The following SLC35B3 variants were observed in gnomAD, a reference collection of about 807,000 sequenced individuals.
SLC35B3 encodes the protein adenosine 3'-phospho 5'-phosphosulfate transporter 2.
In SLC35B3, 35 loss-of-function variants were observed where a neutral mutation model predicts 44.1. The ratio of observed to expected loss-of-function variants is 0.79; its 90% CI spans 0.61 to 1.05. The LOEUF is 1.05. Among genes scored for constraint, SLC35B3 ranks in the 50% least tolerant of loss-of-function variants. The pLI, the probability that SLC35B3 is intolerant of heterozygous loss-of-function variation, is 0.00. For synonymous variants in SLC35B3, 146 were observed against 167.3 expected (o/e 0.87, Z 0.98); for missense variants, 414 against 476.4 (o/e 0.87, Z 1.22).
At position 8,420,132 on chromosome 6, in the gene SLC35B3, C is replaced by T. The variant is rs1762768358; in HGVS notation, c.683-455G>A. Among the ~76,000 whole-genome samples the T allele has an allele frequency of 6.6e-6, 1 of 151,894 alleles. No individual in the cohort carries two copies. Among genetic ancestry groups the T allele is most frequent in the South Asian group, 2.1e-4 (1 of 4,820 alleles). On this transcript the variant is annotated intron_variant, in intron 6 of 10. Transcript: ENST00000644923. This position sits in a 1 kb window ranked among gnomAD's most constrained non-coding sequence, Gnocchi z 4.4. Reference sequence around the variant, plus strand: ...TTAATTTAAATCACATAAACAGGCACGCTGCTGTCAGGGCCTTTTTCTTTG... The same window carrying T: ...TTAATTTAAATCACATAAACAGGCATGCTGCTGTCAGGGCCTTTTTCTTTG...
chr6:8,434,275 C>A lies in SLC35B3; in HGVS notation c.3+110G>T. The A allele has an allele frequency of 1.9e-6, 2 of 1,040,510 alleles. No homozygotes were observed. The highest frequency in any genetic ancestry group is 2.9e-5 in the South Asian group (2 of 69,560). The allele number at this position is 1,040,510 out of a possible 1,614,324, so 64.5% of individuals were successfully genotyped here. A position where few individuals can be genotyped will look rare whatever the true frequency, so the allele number is the denominator to read the frequency against. ...GACCTGAAGGACAAAAGTCCCACAC[C>A]AAAAAAAGGTAGAATATGAAAAAAA... On this transcript the variant is annotated intron_variant, in intron 2 of 10. Transcript: ENST00000644923. The surrounding 1 kb of genome is among the most constrained non-coding windows in gnomAD (Gnocchi z 6.3).
intron 9 of SLC35B3, among the ~76,000 whole-genome samples, chr6:8,416,664 T>C (rs1411103443): frequency 6.6e-6 from 1 of 152,194 alleles, no homozygotes; most frequent in Non-Finnish European, 1.5e-5. Context: ...GATAAATGTA[T>C]ATGTTTGATT....
intron 2 of SLC35B3, among the ~76,000 whole-genome samples, chr6:8,431,186 G>A (rs190224711): frequency 3.9e-5 from 6 of 152,216 alleles, no homozygotes; most frequent in East Asian, 3.9e-4. Flanking sequence ...AAAGACTGAG[G>A]AAAGACTGAA....
At chr6:8,427,680 T>G (rs915840951) in intron 4 of SLC35B3, among the ~76,000 whole-genome samples, 1 of 152,232 alleles carries the variant, frequency 6.6e-6, no homozygotes, top group African/African-American at 2.4e-5. Flanking sequence ...ACATTGTGTT[T>G]TTTATCATGT....
At chr6:8,417,273 C>A in intron 8 of SLC35B3, 129 bp downstream of exon 7, 1 of 645,556 alleles carries the variant, frequency 1.5e-6, no homozygotes, top group East Asian at 2.9e-5. Flanking sequence ...AATTAATTTC[C>A]GATTGGCATG....
intron 5 of SLC35B3, 21 bp downstream of exon 4, chr6:8,422,449 A>G: frequency 6.3e-7 from 1 of 1,578,228 alleles, no homozygotes; most frequent in Non-Finnish European, 8.7e-7. Context: ...TAAATAGTAT[A>G]AAAACATATC....
intron 5 of SLC35B3, 122 bp downstream of exon 4, chr6:8,422,348 A>C (rs1448649247): frequency 1.3e-6 from 1 of 799,140 alleles, no homozygotes; most frequent in African/African-American, 1.8e-5. Context: ...ATAATTCAGA[A>C]TTGTTACAAT....
intron 3 of SLC35B3, 65 bp downstream of exon 2, chr6:8,429,799 A>G: frequency 8.3e-7 from 1 of 1,208,430 alleles, no homozygotes; most frequent in Non-Finnish European, 1.1e-6. Context: ...CAAAACTAGT[A>G]AATGCCCATA....
intron 9 of SLC35B3, among the ~76,000 whole-genome samples, chr6:8,416,050 C>G (rs1472559759): frequency 6.6e-6 from 1 of 152,136 alleles, no homozygotes; most frequent in African/African-American, 2.4e-5. Flanking sequence ...ATCACTGGAA[C>G]CTGGCTCTGG....
intron 10 of SLC35B3, among the ~76,000 whole-genome samples, chr6:8,414,655 C>T (rs1010725423): frequency 2.6e-5 from 4 of 151,624 alleles, no homozygotes; most frequent in Admixed American, 6.6e-5. Flanking sequence ...TTTAAGTATA[C>T]AAAATGATAA....
At position 8,434,410 on chromosome 6, in the gene SLC35B3, C is replaced by T. The variant is rs1015429601; in HGVS notation, c.-23G>A. On this transcript the variant is annotated 5_prime_UTR_variant, in exon 2 of 11. Coordinates refer to ENST00000644923, the MANE Select transcript of SLC35B3 (RefSeq NM_001370476.2). The surrounding 1 kb of genome is among the most constrained non-coding windows in gnomAD (Gnocchi z 6.3). Reference sequence around the variant, plus strand: ...CATGCCATTATGCCTTGATTAACTGCGCTCCGGAATCAATCATGGCCTATG... The same window carrying T: ...CATGCCATTATGCCTTGATTAACTGTGCTCCGGAATCAATCATGGCCTATG... The T allele has an allele frequency of 5.0e-6, 8 of 1,612,090 alleles. No individual in the cohort carries two copies. The highest frequency in any genetic ancestry group is 1.7e-5 in the Admixed American group (1 of 59,940).
chr6:8,423,771 G>T (rs753821088), intron 4 of SLC35B3, among the ~76,000 whole-genome samples: 18 of 152,194 alleles, frequency 1.2e-4, no homozygotes, highest in Admixed American at 3.3e-4. Flanking sequence ...ATTCTGAGGG[G>T]TTTTTTTCTA....
intron 10 of SLC35B3, 23 bp downstream of exon 9, chr6:8,414,885 T>A (rs753970403): frequency 7.1e-7 from 1 of 1,403,036 alleles, no homozygotes; most frequent in East Asian, 2.3e-5. Context: ...CTGAGAAAAA[T>A]TGTTTAATTA....
rs750702343 is a variant in SLC35B3 at position 8,420,790 on chromosome 6, A to G, written c.613T>C (p.Cys205Arg). The change falls in exon 6 of 11, where the codon TGT (cysteine) becomes CGT (arginine). Residue 205 changes from cysteine to arginine, a missense_variant. Cys to Arg is a radical substitution (Grantham distance 180). Transcript: ENST00000644923. The surrounding 1 kb of genome is among the most constrained non-coding windows in gnomAD (Gnocchi z 4.4). The stretch of plus-strand genomic sequence containing the variant: ...AACCATATCAGGCCAAGGCTCATAC[A>G]TATGGCAGCAGACACATCTGCAACA... 3 of 1,612,854 alleles carry G rather than the reference A, an allele frequency of 1.9e-6. No homozygotes were observed. Among genetic ancestry groups the G allele is most frequent in the Non-Finnish European group, 2.5e-6 (3 of 1,179,162 alleles).
intron 4 of SLC35B3, among the ~76,000 whole-genome samples, chr6:8,423,927 G>A (rs1291672510): frequency 3.9e-5 from 6 of 152,036 alleles, no homozygotes; most frequent in Admixed American, 1.3e-4. Context: ...GCACCACTTC[G>A]CCAGGTAAAA....
chr6:8,434,906 C>G lies in SLC35B3; in HGVS notation c.-44+437G>C, dbSNP rs1334379222. ...AACTTAATAGCCCAGCCAGAACAAT[C>G]ACATTCTACTGCAAGCCAAATGGAG... is the stretch of plus-strand genomic sequence containing the variant. On this transcript the variant is annotated intron_variant, in intron 1 of 10. Transcript: ENST00000644923. The surrounding 1 kb of genome is among the most constrained non-coding windows in gnomAD (Gnocchi z 6.3). 6.6e-6 allele frequency among the ~76,000 whole-genome samples: 1 copy of G among 151,958 alleles called. No individual in the cohort carries two copies. Among genetic ancestry groups the G allele is most frequent in the Non-Finnish European group, 1.5e-5 (1 of 68,024 alleles).
At chr6:8,429,585 T>C (rs1763761481) in intron 3 of SLC35B3, among the ~76,000 whole-genome samples, 1 of 152,178 alleles carries the variant, frequency 6.6e-6, no homozygotes, top group South Asian at 2.1e-4. Context: ...AATCATTGCT[T>C]TCTCTTGGAA....
chr6:8,417,758 TATTGAAATCAACCAG>T (rs1167618065), intron 7 of SLC35B3, among the ~76,000 whole-genome samples: 1 of 151,658 alleles, frequency 6.6e-6, no homozygotes, highest in Non-Finnish European at 1.5e-5. Flanking sequence ...TAGGCTTAAT[TATTGAAATCAACCAG>T]ATTTTCATAT....
chr6:8,429,295 A>G (rs6926304), intron 3 of SLC35B3, among the ~76,000 whole-genome samples: 75,746 of 151,948 alleles, frequency 0.5, 19,794 homozygotes, highest in African/African-American at 0.68. Context: ...ATGTAAATAT[A>G]AGACAAATTG....
Sources: gnomAD v4.1 joint callset for allele counts (sites outside exome capture counted in the v4.1 genomes callset) on GRCh38, gnomAD v4.1.1 for gene constraint, Gnocchi (gnomAD v3.1) non-coding constraint, MANE v1.5 for transcripts, NCBI Gene and HGNC (gene_info 2026-07-23, HGNC 2026-07-21) for gene names.